The following TIPIN variants were observed in gnomAD, a reference collection of about 807,000 sequenced individuals.
TIPIN encodes TIMELESS interacting protein.
Under a neutral mutation model 35.6 loss-of-function variants are expected in TIPIN, and 29 were observed. That is an observed-to-expected ratio of 0.82 (90% CI 0.61 to 1.11). The LOEUF is 1.11. Among genes scored for constraint, TIPIN ranks in the 50% most tolerant of loss-of-function variants. The probability of loss-of-function intolerance (pLI) is 0.00; values close to 1 mark genes in which losing one functional copy is unlikely to be tolerated. For missense variants in TIPIN, 296 were observed against 345.4 expected (o/e 0.86, Z 1.13); for synonymous variants, 102 against 121.5 (o/e 0.84, Z 1.06).
intron 1 of TIPIN, chr15:66,379,972 T>A: frequency 2.8e-6 from 2 of 720,468 alleles, no homozygotes; most frequent in Non-Finnish European, 2.2e-6. Flanking sequence ...AAAGTAGGGA[T>A]ACACCTTCAT....
At chr15:66,363,569 G>C (rs1481537507) in intron 1 of TIPIN, among the ~76,000 whole-genome samples, 1 of 151,766 alleles carries the variant, frequency 6.6e-6, no homozygotes, top group Non-Finnish European at 1.5e-5. Flanking sequence ...GTGAACCTGG[G>C]AGGCGGAGAT....
chr15:66,360,372 G>A (rs2093225919), upstream of TIPIN, among the ~76,000 whole-genome samples: 1 of 152,246 alleles, frequency 6.6e-6, no homozygotes, highest in Non-Finnish European at 1.5e-5. Context: ...TTGGGAGGCT[G>A]AGACAGTAGG....
At chr15:66,337,497 T>G (rs1367340063) in intron 7 of TIPIN, among the ~76,000 whole-genome samples, 2 of 151,918 alleles carry the variant, frequency 1.3e-5, no homozygotes, top group African/African-American at 4.8e-5. Context: ...AATTTTGGTA[T>G]TTTTAGAAGA....
At position 66,379,826 on chromosome 15, in the gene TIPIN, G is replaced by A. The variant is rs1308893796; in HGVS notation, c.-9+6781C>T. Reference sequence around the variant, plus strand: ...TGAAGTCCCTCCGCAGGGTTCCTCTGGGGCCATTCACGATAACTGTGTGTC... The same window carrying A: ...TGAAGTCCCTCCGCAGGGTTCCTCTAGGGCCATTCACGATAACTGTGTGTC... On this transcript the variant is annotated intron_variant, in intron 1 of 7. Coordinates refer to the TIPIN transcript ENST00000562124. The A allele has an allele frequency of 2.3e-5, 36 of 1,596,952 alleles. 1 individual carries two copies. In the Middle Eastern group the frequency reaches 1.8e-3, roughly 80 times the overall value.
chr15:66,356,525 A>C, intron 1 of TIPIN, 114 bp downstream of exon 1: 1 of 820,460 alleles, frequency 1.2e-6, no homozygotes, highest in Non-Finnish European at 1.5e-6. Context: ...TTCCTGCGAC[A>C]ATTAGGCTTT....
At chr15:66,379,708 C>T (rs187416919) in intron 1 of TIPIN, 300 of 1,610,182 alleles carry the variant, frequency 1.9e-4, no homozygotes, top group Non-Finnish European at 1.6e-4. Context: ...ATAGTCCGAA[C>T]GGTAGCCAGT....
intron 1 of TIPIN, among the ~76,000 whole-genome samples, chr15:66,385,155 G>T (rs2093332095): frequency 6.6e-6 from 1 of 152,166 alleles, no homozygotes; most frequent in Non-Finnish European, 1.5e-5. Context: ...CCACTTGGAT[G>T]CCTTGTTCTC....
chr15:66,372,139 CAA>C (rs1345855345), intron 1 of TIPIN, among the ~76,000 whole-genome samples: 1 of 152,074 alleles, frequency 6.6e-6, no homozygotes, highest in African/African-American at 2.4e-5. Context: ...GAAAAGTACA[CAA>C]GTCATGAATG....
intron 7 of TIPIN, among the ~76,000 whole-genome samples, chr15:66,338,091 A>T (rs1186668657): frequency 2.0e-5 from 3 of 152,086 alleles, no homozygotes; most frequent in Non-Finnish European, 2.9e-5. Flanking sequence ...CCCTGCCTCT[A>T]CAAAAAATAC....
At chr15:66,365,713 A>G (rs1374326805) in intron 1 of TIPIN, among the ~76,000 whole-genome samples, 4 of 151,914 alleles carry the variant, frequency 2.6e-5, no homozygotes, top group Non-Finnish European at 5.9e-5. Context: ...TGCCCGGCTA[A>G]TTTTTGTATT....
chr15:66,353,105 G>T, intron 1 of TIPIN, 150 bp from the exon 2 acceptor site: 1 of 685,702 alleles, frequency 1.5e-6, no homozygotes, highest in African/African-American at 1.8e-5. Flanking sequence ...TACTAATTAT[G>T]AAAAAAAAGA....
At chr15:66,384,019 C>T (rs898558183) in intron 1 of TIPIN, among the ~76,000 whole-genome samples, 2 of 152,014 alleles carry the variant, frequency 1.3e-5, no homozygotes, top group Non-Finnish European at 2.9e-5. Flanking sequence ...ATTTTTGAGA[C>T]GGAGTCTTGT....
upstream of TIPIN, chr15:66,356,759 G>T (rs1289450696): frequency 2.0e-6 from 2 of 984,068 alleles, no homozygotes; most frequent in Middle Eastern, 5.2e-4. Context: ...AAATCCGTGC[G>T]GGGGGCTGGG....
At chr15:66,366,529 G>C (rs1393843196) in intron 1 of TIPIN, among the ~76,000 whole-genome samples, 1 of 149,290 alleles carries the variant, frequency 6.7e-6, no homozygotes, top group African/African-American at 2.5e-5. Context: ...CGAGTCAGGA[G>C]GATCACGAGG....
chr15:66,375,567 G>A (rs931694768), intron 1 of TIPIN, among the ~76,000 whole-genome samples: 13 of 148,998 alleles, frequency 8.7e-5, no homozygotes, highest in African/African-American at 2.4e-4. Context: ...AGCTGGGCGC[G>A]GTGGCTTATA....
At chr15:66,364,431 T>C (rs2093245332) in intron 1 of TIPIN, among the ~76,000 whole-genome samples, 1 of 152,034 alleles carries the variant, frequency 6.6e-6, no homozygotes, top group African/African-American at 2.4e-5. Flanking sequence ...CCCAGTGTTC[T>C]GGCATTACAG....
intron 1 of TIPIN, among the ~76,000 whole-genome samples, chr15:66,381,988 C>T (rs935510244): frequency 2.0e-5 from 3 of 152,114 alleles, no homozygotes; most frequent in Non-Finnish European, 4.4e-5. Flanking sequence ...CCGCTTGAAC[C>T]TGGAAGGCAG....
chr15:66,363,993 AAAAAAC>A (rs1245479751), intron 1 of TIPIN, among the ~76,000 whole-genome samples: 2 of 151,668 alleles, frequency 1.3e-5, no homozygotes, highest in East Asian at 2.0e-4. Context: ...AAAAAAAAAC[AAAAAAC>A]AAAAACAAAG....
In TIPIN at chr15:66,337,145, TC is replaced by T; in HGVS notation, c.718del (p.Glu240LysfsTer16). The T allele has an allele frequency of 6.2e-7, 1 of 1,613,940 alleles. No homozygotes were observed. The highest frequency in any genetic ancestry group is 8.5e-7 in the Non-Finnish European group (1 of 1,179,988). On this transcript the variant is annotated frameshift_variant, in exon 8 of 8. Coordinates refer to ENST00000261881, the MANE Select transcript of TIPIN (RefSeq NM_017858.3). LOFTEE classifies it high-confidence loss of function. ...TTGATCCTCATCAGTATTAACCTCT[TC>T]AACCGTGTGTGCCCTGGGTGTATTC... is the stretch of plus-strand genomic sequence containing the variant. ...LMNTPRAHTV[E>X]EVNTDEDQKE...
Sources: allele counts gnomAD v4.1 joint callset (sites outside exome capture counted in the v4.1 genomes callset), GRCh38; gene constraint gnomAD v4.1.1; transcripts MANE v1.5; gene names NCBI Gene and HGNC (gene_info 2026-07-23, HGNC 2026-07-21).